SKI: variants seen among roughly 807,000 people sequenced by gnomAD.
SKI encodes ski oncogene.
A neutral mutation model predicts 59.3 loss-of-function variants in SKI; 23 were observed. The observed-to-expected ratio is 0.39, with a 90% CI of 0.28 to 0.55. SKI has a LOEUF of 0.55. SKI is among the 20% of genes least tolerant of loss of function. The pLI is 0.67. For missense variants in SKI, 1,017 were observed against 1,038.9 expected, an observed-to-expected ratio of 0.98 and a Z score of 0.29; for synonymous variants, 673 against 488.6, an observed-to-expected ratio of 1.38 and a Z score of -4.98.
intron 1 of SKI, among the ~76,000 whole-genome samples, chr1:2,237,863 C>T (rs1288335899): frequency 1.3e-5 from 2 of 152,222 alleles, no homozygotes; most frequent in African/African-American, 2.4e-5. Flanking sequence ...CTGAGGGCCC[C>T]GGGAGGCTGG....
chr1:2,296,448 C>T (rs1037556480), intron 1 of SKI, among the ~76,000 whole-genome samples: 1 of 152,154 alleles, frequency 6.6e-6, no homozygotes, highest in Non-Finnish European at 1.5e-5. Flanking sequence ...GTTGACGTCT[C>T]CCTGCGGTGT....
intron 1 of SKI, among the ~76,000 whole-genome samples, chr1:2,297,596 C>T (rs942915145): frequency 7.2e-5 from 11 of 152,264 alleles, no homozygotes; most frequent in African/African-American, 2.4e-4. Context: ...ATCTGCGCCA[C>T]TCCACAGCGT....
chr1:2,303,659 G>A lies in SKI; in HGVS notation c.1212-181G>A, dbSNP rs189501210. 23 of 878,052 alleles carry A rather than the reference G, an allele frequency of 2.6e-5. No homozygotes were observed. The highest frequency in any genetic ancestry group is 3.4e-4 in the Middle Eastern group (1 of 2,952). The allele number at this position is 878,052 out of a possible 1,614,324, so 54.4% of individuals were successfully genotyped here. A position where few individuals can be genotyped will look rare whatever the true frequency, so the allele number is the denominator to read the frequency against. ...ATGTGTTGGCCTGTGTCTGGCCTTCGCAAGAGACCCAGCAAGCAGAAAACG... is the reference window on the plus strand; with the variant it reads ...ATGTGTTGGCCTGTGTCTGGCCTTCACAAGAGACCCAGCAAGCAGAAAACG... On this transcript the variant is annotated intron_variant, in intron 3 of 6. Coordinates refer to ENST00000378536, the MANE Select transcript of SKI (RefSeq NM_003036.4). This position sits in a 1 kb window ranked among gnomAD's most constrained non-coding sequence, Gnocchi z 5.6.
chr1:2,250,520 G>A (rs1034488898), intron 1 of SKI, among the ~76,000 whole-genome samples: 1 of 152,244 alleles, frequency 6.6e-6, no homozygotes, highest in African/African-American at 2.4e-5. Context: ...AGAACGTGGT[G>A]AGTCCCCATT....
At chr1:2,250,986 TCCG>T (rs897592815) in intron 1 of SKI, among the ~76,000 whole-genome samples, 20 of 152,262 alleles carry the variant, frequency 1.3e-4, no homozygotes, top group Admixed American at 9.8e-4. Flanking sequence ...TAATGAGTAA[TCCG>T]CCGAGGGGAA....
At chr1:2,306,504 C>CGG (rs886737223) in intron 6 of SKI, 73 bp from the exon 7 acceptor site, 1 of 1,451,390 alleles carries the variant, frequency 6.9e-7, no homozygotes, top group African/African-American at 1.4e-5. Context: ...GCAGGAGCCT[C>CGG]GGGTGGGGGA....
chr1:2,263,620 G>T (rs944002763), intron 1 of SKI, among the ~76,000 whole-genome samples: 4 of 151,920 alleles, frequency 2.6e-5, no homozygotes, highest in Non-Finnish European at 5.9e-5. Context: ...TCTGGTTTTG[G>T]TGTTAACAGA....
chr1:2,255,026 G>A (rs1039335243), intron 1 of SKI, among the ~76,000 whole-genome samples: 3 of 152,146 alleles, frequency 2.0e-5, no homozygotes, highest in Admixed American at 6.5e-5. Flanking sequence ...CACACCCCAC[G>A]TGCTTGTTAG....
chr1:2,241,795 C>G (rs550143135), intron 1 of SKI, among the ~76,000 whole-genome samples: 6 of 152,332 alleles, frequency 3.9e-5, no homozygotes, highest in African/African-American at 1.4e-4. Context: ...AAAACGCTCA[C>G]CATGACCCAT....
rs35148324 is a variant in SKI at position 2,309,947 on chromosome 1, T to TTTTTTTTTTTAA, written c.*3182_*3183insTTTTTTTTTTAA. 1 of 135,330 alleles carries TTTTTTTTTTTAA rather than the reference T, an allele frequency of 7.4e-6. No homozygotes were observed. Among genetic ancestry groups the TTTTTTTTTTTAA allele is most frequent in the Non-Finnish European group, 1.6e-5 (1 of 63,318 alleles). 8.4% of individuals were successfully genotyped at this position (135,330 alleles called of 1,614,324 possible). A position where few individuals can be genotyped will look rare whatever the true frequency, so the allele number is the denominator to read the frequency against. On this transcript the variant is annotated 3_prime_UTR_variant, in exon 7 of 7. Transcript: ENST00000378536. Reference sequence around the variant, plus strand: ...AGGAGTCACAAATGACTTTTTTTTTTCAATTAAGGAAAAAGCTCCATCTCT... The same window carrying TTTTTTTTTTTAA: ...AGGAGTCACAAATGACTTTTTTTTTTTTTTTTTTTTAACAATTAAGGAAAAAGCTCCATCTCT...
At chr1:2,236,181 G>A (rs1253111122) in intron 1 of SKI, among the ~76,000 whole-genome samples, 1 of 152,178 alleles carries the variant, frequency 6.6e-6, no homozygotes, top group Non-Finnish European at 1.5e-5. Flanking sequence ...TGCCTCTGCT[G>A]GGGTGCTTGT....
At chr1:2,237,379 G>A (rs532948145) in intron 1 of SKI, among the ~76,000 whole-genome samples, 86 of 152,330 alleles carry the variant, frequency 5.6e-4, no homozygotes, top group African/African-American at 2.0e-3. Flanking sequence ...CGGCTGTGCC[G>A]GTGGTTTCCT....
chr1:2,303,273 C>G lies in SKI; in HGVS notation c.1096-12C>G, dbSNP rs1640472946. 14 of 1,612,868 alleles carry G rather than the reference C, an allele frequency of 8.7e-6. No homozygotes were observed. The highest frequency in any genetic ancestry group is 3.3e-5 in the Admixed American group (2 of 60,020). ...CTCCTGGTCACTCACACAGACAACT[C>G]TTTCTCGACAGAGCCTGGGCTGTGT... On this transcript the variant is annotated splice_polypyrimidine_tract_variant and intron_variant, in intron 2 of 6. Transcript: ENST00000378536. The surrounding 1 kb of genome is among the most constrained non-coding windows in gnomAD (Gnocchi z 5.6).
At chr1:2,236,338 T>C (rs1230435097) in intron 1 of SKI, among the ~76,000 whole-genome samples, 2 of 152,214 alleles carry the variant, frequency 1.3e-5, no homozygotes, top group Admixed American at 1.3e-4. Flanking sequence ...CTGCAGGCAC[T>C]GGCAGTCAAG....
intron 1 of SKI, among the ~76,000 whole-genome samples, chr1:2,278,048 C>A (rs891185327): frequency 6.6e-6 from 1 of 152,248 alleles, no homozygotes; most frequent in African/African-American, 2.4e-5. Flanking sequence ...CCGATGGCTT[C>A]GGCTTGCTGG....
intron 5 of SKI, among the ~76,000 whole-genome samples, chr1:2,305,472 G>A (rs1465865503): frequency 2.6e-5 from 4 of 152,134 alleles, no homozygotes; most frequent in Admixed American, 1.3e-4. Context: ...CACGTCCCCC[G>A]CCACTGTTGT....
Position 2,306,224 on chromosome 1 carries a change from C to T in SKI, c.1972C>T (p.Arg658Cys). 3 of 1,560,586 alleles carry T rather than the reference C, an allele frequency of 1.9e-6. No individual in the cohort carries two copies. The highest frequency in any genetic ancestry group is 1.7e-6 in the Non-Finnish European group (2 of 1,153,478). ...GTGCGACAAGGGCTGCGAGGCGGGC[C>T]GCCTGCGCGCCAAGTACTCGGCCCA... The part of the protein sequence containing the change: ...RVCDKGCEAG[R>C]LRAKYSAQIE... The change falls in exon 6 of 7, where the codon CGC becomes TGC. Residue 658 changes from arginine (R) to cysteine (C), a missense_variant. Coordinates refer to ENST00000378536, the MANE Select transcript of SKI (RefSeq NM_003036.4).
chr1:2,237,400 T>G (rs1638773551), intron 1 of SKI, among the ~76,000 whole-genome samples: 2 of 152,126 alleles, frequency 1.3e-5, no homozygotes, highest in African/African-American at 4.8e-5. Flanking sequence ...TTGATGTCAG[T>G]CTTCTTCTAC....
In SKI at chr1:2,268,415, C is replaced by T. The variant is rs578042532; in HGVS notation, c.970-34563C>T. On this transcript the variant is annotated intron_variant, in intron 1 of 6. Coordinates refer to ENST00000378536, the MANE Select transcript of SKI (RefSeq NM_003036.4). This position sits in a 1 kb window ranked among gnomAD's most constrained non-coding sequence, Gnocchi z 5.0. ...CGTGCTTCCTGCAGGCTCTGCGTGG[C>T]GCTGATGGAGGGCCTCTTGTTAAGG... Among the ~76,000 whole-genome samples, 68 of 152,260 alleles carry T rather than the reference C, an allele frequency of 4.5e-4. No individual in the cohort carries two copies. The highest frequency in any genetic ancestry group is 1.5e-3 in the African/African-American group (64 of 41,558).
Sources: gnomAD v4.1 joint callset for allele counts (sites outside exome capture counted in the v4.1 genomes callset) on GRCh38, gnomAD v4.1.1 for gene constraint, Gnocchi (gnomAD v3.1) non-coding constraint, MANE v1.5 for transcripts, NCBI Gene and HGNC (gene_info 2026-07-23, HGNC 2026-07-21) for gene names.